The following HERC1 variants were observed in gnomAD, a reference collection of about 807,000 sequenced individuals.
The protein encoded by HERC1 is HECT and RLD domain containing E3 ubiquitin protein ligase family member 1.
A neutral mutation model predicts 554.3 loss-of-function variants in HERC1; 160 were observed. That is an observed-to-expected ratio of 0.29 (90% CI 0.25 to 0.33). HERC1 has a LOEUF of 0.33. HERC1 is among the 10% of genes least tolerant of loss of function. The pLI is 1.00. For synonymous variants in HERC1, 2,175 were observed against 2,131.7 expected (o/e 1.02, Z -0.56); for missense variants, 4,919 against 5,918.5 (o/e 0.83, Z 5.54).
At chr15:63,755,032 T>C (rs901378464) in intron 6 of HERC1, among the ~76,000 whole-genome samples, 197 bp downstream of exon 6, 1 of 152,234 alleles carries the variant, frequency 6.6e-6, no homozygotes, top group Non-Finnish European at 1.5e-5. Flanking sequence ...ACTCAGTAAA[T>C]GCTTGCTAGA....
In HERC1 at chr15:63,716,303, G is replaced by A; in HGVS notation, c.4149C>T (p.Gly1383=). Residue 1383 remains glycine, a splice_region_variant and synonymous_variant, in exon 22 of 78, where the codon GGC becomes GGT. Transcript: ENST00000443617. Reference sequence around the variant, plus strand: ...AGAAAGTAAGAAGGGTATACTCACTGCCAGCTGTCATCACTTCATGTTCCC... The same window carrying A: ...AGAAAGTAAGAAGGGTATACTCACTACCAGCTGTCATCACTTCATGTTCCC... ...EEREHEVMTA[G]KIFQCFLSAR... 6.2e-7 allele frequency: 1 copy of A among 1,611,840 alleles called. No homozygotes were observed. Among genetic ancestry groups the A allele is most frequent in the Non-Finnish European group, 8.5e-7 (1 of 1,178,908 alleles).
intron 39 of HERC1, among the ~76,000 whole-genome samples, 159 bp from the exon 40 acceptor site, chr15:63,669,857 T>A (rs1424071746): frequency 6.6e-6 from 1 of 152,230 alleles, no homozygotes; most frequent in African/African-American, 2.4e-5. Context: ...TTAAAAATGA[T>A]TATCTCATGC....
intron 16 of HERC1, among the ~76,000 whole-genome samples, 175 bp from the exon 17 acceptor site, chr15:63,728,013 C>T (rs1281621812): frequency 6.6e-6 from 1 of 152,164 alleles, no homozygotes; most frequent in Non-Finnish European, 1.5e-5. Flanking sequence ...TCAGAAAGTA[C>T]CACCAACAAA....
In HERC1 at chr15:63,759,922, C is replaced by T. The variant is rs181673625; in HGVS notation, c.1027-1553G>A. Among the ~76,000 whole-genome samples, 707 of 152,264 alleles carry T rather than the reference C, an allele frequency of 4.6e-3. 3 individuals carry two copies. Among genetic ancestry groups the T allele is most frequent in the Non-Finnish European group, 7.5e-3 (511 of 68,018 alleles). On this transcript the variant is annotated intron_variant, in intron 3 of 77. Coordinates refer to ENST00000443617, the MANE Select transcript of HERC1 (RefSeq NM_003922.4). ...ACATGAGGACAGTATCTGAGGACAG[C>T]TGCCAGTCCCTAATAAAAGGTCTGG...
At chr15:63,807,181 C>G (rs1484613949) in intron 1 of HERC1, among the ~76,000 whole-genome samples, 1 of 152,118 alleles carries the variant, frequency 6.6e-6, no homozygotes, top group African/African-American at 2.4e-5. Context: ...CTATTTGCCC[C>G]CAACCTCCTC....
intron 26 of HERC1, 149 bp from the exon 27 acceptor site, chr15:63,696,488 C>T (rs2153058514): frequency 1.6e-6 from 1 of 606,634 alleles, no homozygotes; most frequent in Admixed American, 3.1e-5. Context: ...ATTATTATTA[C>T]TTTTTTTGAA....
chr15:63,753,019 A>G lies in HERC1; in HGVS notation c.1841T>C (p.Met614Thr), dbSNP rs1358794935. The change falls in exon 8 of 78, where the codon ATG becomes ACG. Residue 614 changes from methionine (M) to threonine (T), a missense_variant. Around this residue, in one of 11 missense-constraint regions of HERC1, gnomAD observed 744 missense variants for 1,090.0 expected, o/e 0.68. Transcript: ENST00000443617. ...CCCAGCACAAACTTTGCGAATGAAC[A>G]TTCCTTGTAAAGCTTCAATAACTTT... The part of the protein sequence containing the change: ...KPKVIEALQG[M>T]FIRKVCAGSQ... 4.3e-6 allele frequency: 7 copies of G among 1,613,644 alleles called. No individual in the cohort carries two copies. Among genetic ancestry groups the G allele is most frequent in the Non-Finnish European group, 4.2e-6 (5 of 1,179,652 alleles).
chr15:63,730,759 T>A (rs2074256372), intron 14 of HERC1, among the ~76,000 whole-genome samples: 3 of 152,206 alleles, frequency 2.0e-5, no homozygotes, highest in Non-Finnish European at 4.4e-5. Context: ...TACTCTCAAA[T>A]GATTTAGAGA....
chr15:63,781,163 A>T (rs1399632301), intron 1 of HERC1, among the ~76,000 whole-genome samples: 2 of 152,230 alleles, frequency 1.3e-5, no homozygotes, highest in African/African-American at 4.8e-5. Flanking sequence ...TACTACAAGC[A>T]GAGTTATAAA....
At chr15:63,666,955 A>G (rs1020472991) in intron 40 of HERC1, among the ~76,000 whole-genome samples, 1 of 152,156 alleles carries the variant, frequency 6.6e-6, no homozygotes, top group Non-Finnish European at 1.5e-5. Context: ...CATTCTTCGC[A>G]TTTTTATGCT....
rs79711865 is a variant in HERC1 at position 63,665,932 on chromosome 15, C to T, written c.8542G>A (p.Gly2848Ser). 193 of 1,612,046 alleles carry T rather than the reference C, an allele frequency of 1.2e-4. 1 individual carries two copies. In the African/African-American group the frequency reaches 2.1e-3, roughly 18 times the overall value. The stretch of plus-strand genomic sequence containing the variant: ...CTGGAATTTCACCTTTCACTAAAAC[C>T]TTCCTCCATTTCAGCAGCATCAGCT... ...PSADAAEMEEGFSESPDNLDH... is the reference protein window; with the variant it reads ...PSADAAEMEESFSESPDNLDH... The change falls in exon 42 of 78, where the codon GGT becomes AGT. Residue 2848 changes from glycine to serine, a missense_variant. Coordinates refer to ENST00000443617, the MANE Select transcript of HERC1 (RefSeq NM_003922.4).
chr15:63,661,798 T>C lies in HERC1; in HGVS notation c.9125A>G (p.Lys3042Arg), dbSNP rs1244720278. 1 of 1,614,038 alleles carries C rather than the reference T, an allele frequency of 6.2e-7. No individual in the cohort carries two copies. Among genetic ancestry groups the C allele is most frequent in the Non-Finnish European group, 8.5e-7 (1 of 1,179,886 alleles). ...AGATTTGGTCTTCATGGCTAAGTAC[T>C]TCTCCCTGCAGGTGCCACATAACAG... ...YYLLCGTCREKYLAMKTKSKS... is the reference protein window; with the variant it reads ...YYLLCGTCRERYLAMKTKSKS... The change falls in exon 45 of 78, where the codon AAG becomes AGG. Residue 3042 changes from lysine (K) to arginine (R), a missense_variant. Coordinates refer to ENST00000443617, the MANE Select transcript of HERC1 (RefSeq NM_003922.4).
rs2069173032 is a variant in HERC1, at chr15:63,643,526, C to G, written c.11209G>C (p.Ala3737Pro). ...CQDGYRKSSG[A>P]KCVYQLRGHI... ...CCCCGCAGCTGATAAACACACTTGG[C>G]TCCTGATGATTTCCTATATCCATCC... Residue 3737 changes from alanine to proline, a missense_variant, in exon 58 of 78, where the codon GCC (alanine) becomes CCC (proline). Ala to Pro is a conservative substitution (Grantham distance 27). This residue lies in a region of HERC1 where 1,963 missense variants were observed against 2,228.6 expected (regional missense o/e 0.88). Coordinates refer to ENST00000443617, the MANE Select transcript of HERC1 (RefSeq NM_003922.4). 6.2e-7 allele frequency: 1 copy of G among 1,603,364 alleles called. No individual in the cohort carries two copies. Among genetic ancestry groups the G allele is most frequent in the South Asian group, 1.1e-5 (1 of 89,076 alleles).
At chr15:63,806,932 G>A (rs1481168788) in intron 1 of HERC1, among the ~76,000 whole-genome samples, 1 of 152,076 alleles carries the variant, frequency 6.6e-6, no homozygotes, top group East Asian at 1.9e-4. Flanking sequence ...ATTTTTAGTA[G>A]AGACAGGGTT....
chr15:63,621,498 C>G (rs1323664489), intron 74 of HERC1, among the ~76,000 whole-genome samples: 1 of 152,122 alleles, frequency 6.6e-6, no homozygotes, highest in Non-Finnish European at 1.5e-5. Context: ...CGAGGAGTAT[C>G]TCTGTGGCAT....
chr15:63,759,043 A>C (rs1197810794), intron 3 of HERC1, among the ~76,000 whole-genome samples: 2 of 152,092 alleles, frequency 1.3e-5, no homozygotes, highest in African/African-American at 4.8e-5. Flanking sequence ...ACTTTCCTTT[A>C]ATAGGGCATT....
chr15:63,748,098 T>C (rs569791813), intron 10 of HERC1, among the ~76,000 whole-genome samples: 1 of 152,138 alleles, frequency 6.6e-6, no homozygotes, highest in South Asian at 2.1e-4. Flanking sequence ...TGGTGGTATA[T>C]GCCTGTAGTC....
intron 55 of HERC1, among the ~76,000 whole-genome samples, chr15:63,646,372 T>C (rs1392405762): frequency 6.6e-6 from 1 of 152,176 alleles, no homozygotes; most frequent in Non-Finnish European, 1.5e-5. Flanking sequence ...GGCTTATTTA[T>C]TTTTACATAG....
rs1396521928 is a variant in HERC1, at chr15:63,677,369, T to C, written c.7070+476A>G. ...TTGAGGGGATAGAAATATGTGGTTT[T>C]ATAAAAAGGAAGAATACTTAAAATT... On this transcript the variant is annotated intron_variant, in intron 37 of 77. Coordinates refer to ENST00000443617, the MANE Select transcript of HERC1 (RefSeq NM_003922.4). This position sits in a 1 kb window ranked among gnomAD's most constrained non-coding sequence, Gnocchi z 4.4. Among the ~76,000 whole-genome samples, 1 of 152,238 alleles carries C rather than the reference T, an allele frequency of 6.6e-6. No homozygotes were observed. The highest frequency in any genetic ancestry group is 1.9e-4 in the East Asian group (1 of 5,200).
Sources: gnomAD v4.1 joint callset for allele counts (sites outside exome capture counted in the v4.1 genomes callset) on GRCh38, gnomAD v4.1.1 for gene constraint, gnomAD v4.1.1 regional missense constraint, Gnocchi (gnomAD v3.1) non-coding constraint, MANE v1.5 for transcripts, NCBI Gene and HGNC (gene_info 2026-07-23, HGNC 2026-07-21) for gene names.